Variants in RBPJ observed in about 807,000 individuals in gnomAD.
RBPJ encodes the protein recombining binding protein suppressor of hairless.
RBPJ carries 9 observed loss-of-function variants against 67.8 expected under a neutral mutation model. That is an observed-to-expected ratio of 0.13 (90% CI 0.08 to 0.23). The LOEUF is 0.23. RBPJ is among the 10% of genes least tolerant of loss of function. The probability of loss-of-function intolerance (pLI) is 1.00; values close to 1 mark genes in which losing one functional copy is unlikely to be tolerated. For missense variants in RBPJ, 305 were observed against 595.6 expected, an observed-to-expected ratio of 0.51 and a Z score of 5.08; for synonymous variants, 198 against 203.3, an observed-to-expected ratio of 0.97 and a Z score of 0.22.
intron 8 of RBPJ, among the ~76,000 whole-genome samples, chr4:26,429,118 G>A (rs1313769054): frequency 1.3e-5 from 2 of 152,158 alleles, no homozygotes; most frequent in Admixed American, 1.3e-4. Context: ...CTTAATTGAA[G>A]AACAAAGAGC....
intron 1 of RBPJ, among the ~76,000 whole-genome samples, chr4:26,276,538 A>G (rs2109270441): frequency 6.6e-6 from 1 of 152,312 alleles, no homozygotes; most frequent in South Asian, 2.1e-4. Flanking sequence ...AATGCAATCT[A>G]TGGAAAATCT....
At chr4:26,366,957 CT>C in intron 1 of RBPJ, among the ~76,000 whole-genome samples, 1 of 151,140 alleles carries the variant, frequency 6.6e-6, no homozygotes. Context: ...AACCTCATCT[CT>C]ACTAAAAATA....
chr4:26,214,377 GAGAA>G (rs1464639150), intron 1 of RBPJ, among the ~76,000 whole-genome samples: 3 of 110,512 alleles, frequency 2.7e-5, no homozygotes. Context: ...AGGAAGGAGA[GAGAA>G]AGAAGGGGAG....
Position 26,210,728 on chromosome 4 carries a change from C to CTTCT in RBPJ, c.-167+47117_-167+47120dup, listed in dbSNP as rs1250260722. Among the ~76,000 whole-genome samples, 205 of 41,740 alleles carry CTTCT rather than the reference C, an allele frequency of 4.9e-3. 2 individuals carry two copies. Among genetic ancestry groups the CTTCT allele is most frequent in the Middle Eastern group, 0.011 (1 of 88 alleles). The allele number at this position is 41,740 out of a possible 152,430, so 27.4% of individuals were successfully genotyped here. On this transcript the variant is annotated intron_variant, in intron 1 of 4. Coordinates refer to the RBPJ transcript ENST00000512351. ...CTTTCCTTCTTTCCTTCTTTCTTTC[C>CTTCT]TTCTTTACTTCTTTCCTTCTTTCCT...
At chr4:26,403,592 G>A (rs750089590) in intron 2 of RBPJ, among the ~76,000 whole-genome samples, 1 of 152,012 alleles carries the variant, frequency 6.6e-6, no homozygotes, top group Non-Finnish European at 1.5e-5. Flanking sequence ...GTCTTCATAA[G>A]TTCTCATCAT....
In RBPJ at chr4:26,270,437, G is replaced by GAAAGAAAGAAAGAAAGAAAGAAAGAAGA. The variant is rs757127437; in HGVS notation, c.-166-92007_-166-92006insAGAAAGAAAGAAAGAAAGAAAGAAGAAA. ...AGAAAGAAAGAAAGAAAGAAAGAAA[G>GAAAGAAAGAAAGAAAGAAAGAAAGAAGA]AAGAAAGAAAGAAAGAAAGAAAAGA... is the stretch of plus-strand genomic sequence containing the variant. On this transcript the variant is annotated intron_variant, in intron 1 of 4. Transcript: ENST00000512351. Among the ~76,000 whole-genome samples the GAAAGAAAGAAAGAAAGAAAGAAAGAAGA allele has an allele frequency of 9.9e-4, 30 of 30,182 alleles. 1 individual carries two copies. Among genetic ancestry groups the GAAAGAAAGAAAGAAAGAAAGAAAGAAGA allele is most frequent in the Non-Finnish European group, 2.2e-3 (22 of 10,158 alleles). The allele number at this position is 30,182 out of a possible 152,430, so 19.8% of individuals were successfully genotyped here.
intron 1 of RBPJ, among the ~76,000 whole-genome samples, chr4:26,292,159 G>A (rs1242432673): frequency 6.6e-6 from 1 of 150,384 alleles, no homozygotes; most frequent in Non-Finnish European, 1.5e-5. Context: ...TTTATATTTA[G>A]TCTCCAGAAC....
chr4:26,382,411 T>C (rs942276926), intron 1 of RBPJ, among the ~76,000 whole-genome samples: 3 of 152,268 alleles, frequency 2.0e-5, no homozygotes, highest in African/African-American at 4.8e-5. Context: ...AAGTGGACTT[T>C]GGTAAGTGCA....
chr4:26,204,532 G>A (rs754085800), intron 1 of RBPJ, among the ~76,000 whole-genome samples: 13 of 152,164 alleles, frequency 8.5e-5, no homozygotes, highest in Non-Finnish European at 1.9e-4. Context: ...CTAGCCATCC[G>A]CTGGGGATGG....
chr4:26,125,463 T>C, the RBPJ span, among the ~76,000 whole-genome samples: 219 of 152,268 alleles, frequency 1.4e-3, no homozygotes, highest in Middle Eastern at 3.4e-3. Context: ...TGTAATTCCT[T>C]TGGAGAAAGC....
chr4:26,174,167 A>G (rs1379462122), intron 1 of RBPJ, among the ~76,000 whole-genome samples: 2 of 152,170 alleles, frequency 1.3e-5, no homozygotes, highest in Admixed American at 1.3e-4. Context: ...GGAGAAAGTG[A>G]TGATTGTGTG....
intron 1 of RBPJ, among the ~76,000 whole-genome samples, chr4:26,336,675 C>G (rs1009178942): frequency 6.7e-6 from 1 of 148,748 alleles, no homozygotes; most frequent in African/African-American, 2.5e-5. Flanking sequence ...AAAAAAATTT[C>G]TTTAGAAATT....
intron 5 of RBPJ, among the ~76,000 whole-genome samples, chr4:26,423,234 A>C (rs768402620): frequency 3.9e-5 from 6 of 152,208 alleles, no homozygotes; most frequent in Non-Finnish European, 7.4e-5. Context: ...GATGAAGCAG[A>C]GTGAGAGGGT....
intron 4 of RBPJ, among the ~76,000 whole-genome samples, chr4:26,416,200 A>G (rs1168728732): frequency 6.6e-6 from 1 of 152,178 alleles, no homozygotes; most frequent in Non-Finnish European, 1.5e-5. Flanking sequence ...AGAGAAAACA[A>G]TCTATCAGCT....
chr4:26,204,743 G>A (rs1017493628), intron 1 of RBPJ, among the ~76,000 whole-genome samples: 2 of 152,300 alleles, frequency 1.3e-5, no homozygotes, highest in East Asian at 1.9e-4. Flanking sequence ...CACTGCTCTC[G>A]TAAAATGGTT....
At chr4:26,244,240 TATATGTGTACACATACACATATGTGTAC>T (rs1719770448) in intron 1 of RBPJ, among the ~76,000 whole-genome samples, 8 of 105,426 alleles carry the variant, frequency 7.6e-5, no homozygotes, top group Admixed American at 2.9e-4. Flanking sequence ...TATGTGTCTA[TATATGTGTACACATACACATATGTGTAC>T]ACATATATGT....
chr4:26,166,093 A>G (rs1174762535), intron 1 of RBPJ, among the ~76,000 whole-genome samples: 5 of 148,270 alleles, frequency 3.4e-5, no homozygotes, highest in Non-Finnish European at 7.5e-5. Flanking sequence ...TATATGTGCC[A>G]CATTTTCTTA....
At chr4:26,347,663 A>G (rs1726306329) in intron 1 of RBPJ, among the ~76,000 whole-genome samples, 1 of 152,186 alleles carries the variant, frequency 6.6e-6, no homozygotes, top group Non-Finnish European at 1.5e-5. Context: ...GGAGAGTGGG[A>G]GTGGAGCCAT....
At chr4:26,165,766 G>A (rs540319262) in intron 1 of RBPJ, among the ~76,000 whole-genome samples, 16 of 150,578 alleles carry the variant, frequency 1.1e-4, no homozygotes, top group African/African-American at 3.4e-4. Context: ...TGCACAATGT[G>A]CAGGTTAGTT....
Sources: gnomAD v4.1 joint callset for allele counts (sites outside exome capture counted in the v4.1 genomes callset) on GRCh38, gnomAD v4.1.1 for gene constraint, MANE v1.5 for transcripts, NCBI Gene and HGNC (gene_info 2026-07-23, HGNC 2026-07-21) for gene names.